The following CDK2AP1 variants were observed in gnomAD, a reference collection of about 807,000 sequenced individuals.
The protein encoded by CDK2AP1 is cyclin dependent kinase 2 associated protein 1.
Under a neutral mutation model 14.1 loss-of-function variants are expected in CDK2AP1, and 10 were observed. That is an observed-to-expected ratio of 0.71 (90% confidence interval 0.44 to 1.20). CDK2AP1 has a LOEUF of 1.20. Ranked by LOEUF, CDK2AP1 falls within the 50% of genes most tolerant of loss-of-function variation. The pLI, the probability that CDK2AP1 is intolerant of heterozygous loss-of-function variation, is 0.00. For synonymous variants in CDK2AP1, 59 were observed against 59.8 expected (o/e 0.99, Z 0.06); for missense variants, 102 against 149.9 (o/e 0.68, Z 1.67).
chr12:123,271,119 GC>G (rs2048350115), intron 1 of CDK2AP1: 1 of 724,676 alleles, frequency 1.4e-6, no homozygotes, highest in Non-Finnish European at 1.7e-6. Context: ...AGCGCCCCCC[GC>G]CCGGGCTGCT....
In CDK2AP1 at chr12:123,262,827, A is replaced by G. The variant is rs543969330; in HGVS notation, c.281-1024T>C. Among the ~76,000 whole-genome samples the G allele has an allele frequency of 7.9e-5, 12 of 152,270 alleles. No homozygotes were observed. In the South Asian group the frequency reaches 2.1e-3, roughly 26 times the overall value. Reference sequence around the variant, plus strand: ...AACTGCTGGATTACAGGCATGCACCATCACACCTGGACCCACAAACCTTTA... The same window carrying G: ...AACTGCTGGATTACAGGCATGCACCGTCACACCTGGACCCACAAACCTTTA... On this transcript the variant is annotated intron_variant, in intron 3 of 3. Transcript: ENST00000261692.
chr12:123,264,662 G>A (rs2048270737), intron 3 of CDK2AP1, among the ~76,000 whole-genome samples: 2 of 151,962 alleles, frequency 1.3e-5, no homozygotes, highest in African/African-American at 4.8e-5. Context: ...CTTAACACGA[G>A]TCCCTTGTGC....
In CDK2AP1 at chr12:123,265,920, G is replaced by A. The variant is rs1022764408; in HGVS notation, c.154-598C>T. On this transcript the variant is annotated intron_variant, in intron 2 of 3. Coordinates refer to ENST00000261692, the MANE Select transcript of CDK2AP1 (RefSeq NM_004642.4). The surrounding 1 kb of genome is among the most constrained non-coding windows in gnomAD (Gnocchi z 5.3). ...CACCAGGACCACAGCGATCCGCCATGGCCCAGCCAGAGCCTGGAATGCATT... is the reference window on the plus strand; with the variant it reads ...CACCAGGACCACAGCGATCCGCCATAGCCCAGCCAGAGCCTGGAATGCATT... Among the ~76,000 whole-genome samples, 1 of 152,130 alleles carries A rather than the reference G, an allele frequency of 6.6e-6. No homozygotes were observed. Among genetic ancestry groups the A allele is most frequent in the Non-Finnish European group, 1.5e-5 (1 of 68,020 alleles).
intron 1 of CDK2AP1, among the ~76,000 whole-genome samples, chr12:123,268,531 T>A (rs1385890493): frequency 4.6e-5 from 7 of 152,234 alleles, no homozygotes; most frequent in Non-Finnish European, 7.3e-5. Context: ...CCGAGCTGTC[T>A]CCTGAGTCTC....
chr12:123,271,731 C>G lies in CDK2AP1; in HGVS notation c.-113G>C, dbSNP rs113079938. The G allele has an allele frequency of 0.024, 5,538 of 228,654 alleles. 94 individuals are homozygous for G. The highest frequency in any genetic ancestry group is 0.033 in the Non-Finnish European group (4,658 of 141,280). The allele number at this position is 228,654 out of a possible 1,614,324, so 14.2% of individuals were successfully genotyped here. A position where few individuals can be genotyped will look rare whatever the true frequency, so the allele number is the denominator to read the frequency against. On this transcript the variant is annotated 5_prime_UTR_variant, in exon 1 of 4. Coordinates refer to ENST00000261692, the MANE Select transcript of CDK2AP1 (RefSeq NM_004642.4). ...GCCCCGCGCCCGTCCGAGCGCCCGC[C>G]GAGCGCCCGCGCACTTTTTGTTGTC...
rs183205389 is a variant in CDK2AP1, at chr12:123,261,506, A to C, written c.*230T>G. 2.6e-4 allele frequency: 119 copies of C among 465,696 alleles called. 1 individual carries two copies. Among genetic ancestry groups the C allele is most frequent in the African/African-American group, 2.3e-3 (115 of 50,040 alleles). 28.8% of individuals were successfully genotyped at this position (465,696 alleles called of 1,614,324 possible). On this transcript the variant is annotated 3_prime_UTR_variant, in exon 4 of 4. Coordinates refer to ENST00000261692, the MANE Select transcript of CDK2AP1 (RefSeq NM_004642.4). The stretch of plus-strand genomic sequence containing the variant: ...CCGTGCATCTTTTAAATCAATGCTT[A>C]AAAAACAAAAAAAACCTGGGCAGTT...
intron 3 of CDK2AP1, among the ~76,000 whole-genome samples, chr12:123,263,844 G>A (rs368642322): frequency 4.0e-5 from 6 of 151,854 alleles, no homozygotes; most frequent in Non-Finnish European, 7.4e-5. Flanking sequence ...GTGGCTCAAC[G>A]CCTGTAATCC....
chr12:123,270,400 G>T (rs1279080459), intron 1 of CDK2AP1, among the ~76,000 whole-genome samples: 1 of 151,976 alleles, frequency 6.6e-6, no homozygotes, highest in Non-Finnish European at 1.5e-5. Context: ...GATTTGGGGG[G>T]TTACGAGGTC....
intron 1 of CDK2AP1, chr12:123,267,526 A>G (rs1203432657): frequency 4.4e-6 from 2 of 459,162 alleles, no homozygotes; most frequent in Non-Finnish European, 8.1e-6. Context: ...ATCCCATCCA[A>G]CCAGAACCTT....
chr12:123,271,580 G>A lies in CDK2AP1; in HGVS notation c.39C>T (p.Ala13=). The part of the protein sequence containing the change: ...YKPNLAAHMP[A]AALNAAGSVH... ...CTCACTCACCGGCGTTGAGGGCGGC[G>A]GCGGGCATGTGCGCGGCCAAGTTCG... Residue 13 remains alanine, a synonymous_variant, in exon 1 of 4, where the codon GCC becomes GCT. Coordinates refer to ENST00000261692, the MANE Select transcript of CDK2AP1 (RefSeq NM_004642.4). The A allele has an allele frequency of 9.9e-7, 1 of 1,011,096 alleles. No homozygotes were observed. Among genetic ancestry groups the A allele is most frequent in the South Asian group, 4.3e-5 (1 of 23,516 alleles). The allele number at this position is 1,011,096 out of a possible 1,614,324, so 62.6% of individuals were successfully genotyped here.
rs570202330 is a variant in CDK2AP1, at chr12:123,268,305, G to C, written c.56-1023C>G. ...GGCTGGCCAAACCCACCAGCTGCTC[G>C]CTTGGTGTGGGTGAGGGGAGGGGCA... On this transcript the variant is annotated intron_variant, in intron 1 of 3. Transcript: ENST00000261692. 4.5e-6 allele frequency: 4 copies of C among 890,732 alleles called. No individual in the cohort carries two copies. The African/African-American group carries it at 5.4e-5, about 12-fold the overall frequency. The allele number at this position is 890,732 out of a possible 1,614,324, so 55.2% of individuals were successfully genotyped here.
chr12:123,270,830 C>T (rs960012022), intron 1 of CDK2AP1: 1 of 985,320 alleles, frequency 1.0e-6, no homozygotes, highest in African/African-American at 1.7e-5. Context: ...CCCCCACGCC[C>T]GCGCGCGGGC....
chr12:123,270,222 G>C (rs1026971608), intron 1 of CDK2AP1: 1 of 983,796 alleles, frequency 1.0e-6, no homozygotes, highest in Non-Finnish European at 1.2e-6. Context: ...CCCCAGAGGA[G>C]GTGAGAATGT....
At chr12:123,264,390 G>C (rs892789356) in intron 3 of CDK2AP1, among the ~76,000 whole-genome samples, 1 of 147,426 alleles carries the variant, frequency 6.8e-6, no homozygotes, top group African/African-American at 2.5e-5. Flanking sequence ...AACCCAGGAG[G>C]CGGAGGTTGC....
At chr12:123,269,770 G>A (rs944668571) in intron 1 of CDK2AP1, among the ~76,000 whole-genome samples, 2 of 152,234 alleles carry the variant, frequency 1.3e-5, no homozygotes, top group African/African-American at 2.4e-5. Context: ...ACAGGAGGCA[G>A]GGCTGCAGGG....
chr12:123,270,245 C>T (rs1478952479), intron 1 of CDK2AP1: 3 of 976,988 alleles, frequency 3.1e-6, no homozygotes, highest in Non-Finnish European at 3.6e-6. Flanking sequence ...GAGAAAAAAA[C>T]AGTGGCTGTT....
At chr12:123,271,480 G>GCCCCGGGCATCCCCGGGCC (rs2048353176) in intron 1 of CDK2AP1, 84 bp downstream of exon 1, 1 of 744,906 alleles carries the variant, frequency 1.3e-6, no homozygotes, top group Non-Finnish European at 1.6e-6. Flanking sequence ...CTCCGCGGGC[G>GCCCCGGGCATCCCCGGGCC]CCCCGGGCAT....
At chr12:123,262,663 C>T (rs917423108) in intron 3 of CDK2AP1, among the ~76,000 whole-genome samples, 1 of 152,184 alleles carries the variant, frequency 6.6e-6, no homozygotes, top group South Asian at 2.1e-4. Flanking sequence ...GCAGCCTCAA[C>T]CTGCCAGGAT....
chr12:123,268,770 C>T (rs1186508930), intron 1 of CDK2AP1, among the ~76,000 whole-genome samples: 3 of 152,182 alleles, frequency 2.0e-5, no homozygotes, highest in Non-Finnish European at 4.4e-5. Context: ...ATATCTGGCA[C>T]GTCCATGGCC....
Sources: gnomAD v4.1 joint callset for allele counts (sites outside exome capture counted in the v4.1 genomes callset) on GRCh38, gnomAD v4.1.1 for gene constraint, Gnocchi (gnomAD v3.1) non-coding constraint, MANE v1.5 for transcripts, NCBI Gene and HGNC (gene_info 2026-07-23, HGNC 2026-07-21) for gene names.